Variants in ANK1 observed in about 807,000 individuals in gnomAD.
The protein encoded by ANK1 is ankyrin 1.
A neutral mutation model predicts 210.4 loss-of-function variants in ANK1; 51 were observed. The observed-to-expected ratio is 0.24, with a 90% CI of 0.19 to 0.31. The LOEUF (loss-of-function observed/expected upper bound fraction) is 0.31, where lower values mean the gene tolerates loss of function less well. Ranked by LOEUF, ANK1 falls within the 10% of genes least tolerant of loss-of-function variation. The pLI is 1.00. For missense variants in ANK1, 2,051 were observed against 2,504.4 expected (o/e 0.82, Z 3.86); for synonymous variants, 967 against 1,025.9 (o/e 0.94, Z 1.10).
At chr8:41,849,454 G>T (rs1810754464) in intron 1 of ANK1, among the ~76,000 whole-genome samples, 2 of 152,064 alleles carry the variant, frequency 1.3e-5, no homozygotes, top group African/African-American at 2.4e-5. Context: ...AACCCGGGAG[G>T]CAGAGACTGC....
chr8:41,745,795 C>T lies in ANK1; in HGVS notation c.130-11726G>A, dbSNP rs559946257. ...GGAGATCACAGCTCACCACAAACCTCGAACTCCTGGGCTCAGGCGATCCTC... is the reference window on the plus strand; with the variant it reads ...GGAGATCACAGCTCACCACAAACCTTGAACTCCTGGGCTCAGGCGATCCTC... On this transcript the variant is annotated intron_variant, in intron 2 of 42. Coordinates refer to ENST00000289734, the MANE Select transcript of ANK1 (RefSeq NM_000037.4). 1.1e-4 allele frequency among the ~76,000 whole-genome samples: 16 copies of T among 152,274 alleles called. No individual in the cohort carries two copies. The South Asian group carries it at 1.7e-3, about 16-fold the overall frequency.
In ANK1 at chr8:41,719,712, C is replaced by G. The variant is rs375151253; in HGVS notation, c.1056G>C (p.Arg352Ser). Reference sequence around the variant, plus strand: ...CTTTATCCAGAAGGACCTTAGCCACCCTGTGGTGTCCACAGTGGGCAGCCA... The same window carrying G: ...CTTTATCCAGAAGGACCTTAGCCACGCTGTGGTGTCCACAGTGGGCAGCCA... ...LHVAAHCGHH[R>S]VAKVLLDKGA... Residue 352 changes from arginine to serine, a missense_variant, in exon 10 of 43, where the codon AGG becomes AGC. Arg to Ser is a moderately radical substitution (Grantham distance 110). Transcript: ENST00000289734. 41 of 1,614,100 alleles carry G rather than the reference C, an allele frequency of 2.5e-5. No homozygotes were observed. Among genetic ancestry groups the G allele is most frequent in the Non-Finnish European group, 3.4e-5 (40 of 1,180,040 alleles).
chr8:41,668,282 G>A lies in ANK1; in HGVS notation c.5379C>T (p.Phe1793=), dbSNP rs1293546534. 6.2e-7 allele frequency: 1 copy of A among 1,614,248 alleles called. No homozygotes were observed. The highest frequency in any genetic ancestry group is 2.2e-5 in the East Asian group (1 of 44,882). ...GGGCTCTCACCTGCACCACTTGGGT[G>A]AAGGTGTTCTTGGCCTCCTGCACCT... ...EEQVQEAKNT[F]TQVVQGNEFQ... is the part of the protein sequence containing the mutation. The change falls in exon 39 of 43, where the codon TTC becomes TTT. Residue 1793 remains phenylalanine, a synonymous_variant. Transcript: ENST00000289734.
intron 42 of ANK1, among the ~76,000 whole-genome samples, chr8:41,659,698 G>GCCCCACCC (rs1807210747): frequency 1.1e-5 from 1 of 93,194 alleles, no homozygotes; most frequent in African/African-American, 4.0e-5. Flanking sequence ...TCGCCCCACC[G>GCCCCACCC]CCCCACCCCC....
chr8:41,752,239 T>C (rs894948433), intron 2 of ANK1, among the ~76,000 whole-genome samples: 1 of 152,176 alleles, frequency 6.6e-6, no homozygotes, highest in Non-Finnish European at 1.5e-5. Flanking sequence ...TTCACCAGCA[T>C]GCACAGGCCA....
intron 1 of ANK1, among the ~76,000 whole-genome samples, chr8:41,869,308 C>A (rs1293834454): frequency 6.6e-6 from 1 of 152,190 alleles, no homozygotes; most frequent in Non-Finnish European, 1.5e-5. Context: ...CTTCACTGGA[C>A]AGAAGAATCA....
chr8:41,797,572 T>G lies in ANK1; in HGVS notation c.-34A>C. ...TTCAGCAGGGGCCCGCCGAAGGGCC[T>G]TGGGGGCTTGAGGAGGAGCAGCTGG... On this transcript the variant is annotated 5_prime_UTR_variant, in exon 1 of 43. Coordinates refer to ENST00000289734, the MANE Select transcript of ANK1 (RefSeq NM_000037.4). The surrounding 1 kb of genome is among the most constrained non-coding windows in gnomAD (Gnocchi z 4.0). 6.2e-7 allele frequency: 1 copy of G among 1,612,478 alleles called. No homozygotes were observed. Among genetic ancestry groups the G allele is most frequent in the Non-Finnish European group, 8.5e-7 (1 of 1,179,634 alleles).
At chr8:41,843,242 T>C (rs1204583236) in intron 1 of ANK1, among the ~76,000 whole-genome samples, 5 of 152,240 alleles carry the variant, frequency 3.3e-5, no homozygotes, top group African/African-American at 4.8e-5. Flanking sequence ...GTTACACGTA[T>C]ATAATGTGTA....
At chr8:41,778,890 G>A (rs530241575) in intron 1 of ANK1, among the ~76,000 whole-genome samples, 5 of 152,220 alleles carry the variant, frequency 3.3e-5, no homozygotes, top group Admixed American at 6.5e-5. Flanking sequence ...CAGGAAGCCC[G>A]CGCTCATAGA....
chr8:41,808,798 G>T (rs1256501170), intron 1 of ANK1, among the ~76,000 whole-genome samples: 10 of 152,046 alleles, frequency 6.6e-5, no homozygotes, highest in Admixed American at 2.0e-4. Flanking sequence ...TTAAGATTTT[G>T]TGCTCTTGAA....
rs767109858 is a variant in ANK1, at chr8:41,672,608, C to T, written c.4842G>A (p.Glu1614=). The part of the protein sequence containing the change: ...GALSEEPRGP[E]LGSLELVEDD... ...CCTCCACAAGTTCCAGAGAGCCCAACTCGGGGCCCCGCGGTTCCTCTGAGA... is the reference window on the plus strand; with the variant it reads ...CCTCCACAAGTTCCAGAGAGCCCAATTCGGGGCCCCGCGGTTCCTCTGAGA... The change falls in exon 38 of 43, where the codon GAG becomes GAA. Residue 1614 remains glutamate (E), a synonymous_variant. Coordinates refer to ENST00000289734, the MANE Select transcript of ANK1 (RefSeq NM_000037.4). 1.9e-6 allele frequency: 3 copies of T among 1,614,138 alleles called. No individual in the cohort carries two copies. Among genetic ancestry groups the T allele is most frequent in the African/African-American group, 1.3e-5 (1 of 74,950 alleles).
chr8:41,877,980 C>T (rs1269294326), intron 1 of ANK1, among the ~76,000 whole-genome samples: 1 of 152,152 alleles, frequency 6.6e-6, no homozygotes. Flanking sequence ...GCTGGGCACA[C>T]AGCCTAGCGC....
At chr8:41,896,329 G>C in intron 1 of ANK1, 1 of 1,582,658 alleles carries the variant, frequency 6.3e-7, no homozygotes, top group Non-Finnish European at 8.6e-7. Flanking sequence ...CGCGGTCGCT[G>C]GGCTTTCACC....
chr8:41,731,504 G>A (rs140317844), intron 3 of ANK1, among the ~76,000 whole-genome samples: 73 of 152,162 alleles, frequency 4.8e-4, no homozygotes, highest in Non-Finnish European at 9.6e-4. Flanking sequence ...GAGAGAATGC[G>A]TTTGTTTTGT....
Position 41,686,158 on chromosome 8 carries a change from C to A in ANK1, c.4384G>T (p.Ala1462Ser). The part of the protein sequence containing the change: ...NLWVIREGQN[A>S]NMENLYTALQ... ...TCAGTGGGACGGTACTGACTGTTTG[C>A]GTTTTGGCCTTCACGGATGACCCAG... is the stretch of plus-strand genomic sequence containing the variant. Residue 1462 changes from alanine to serine, a missense_variant, in exon 36 of 43, where the codon GCA becomes TCA. This residue lies in a region of ANK1 where 39 missense variants were observed against 75.1 expected (regional missense o/e 0.52). Coordinates refer to ENST00000289734, the MANE Select transcript of ANK1 (RefSeq NM_000037.4). 6.2e-7 allele frequency: 1 copy of A among 1,614,206 alleles called. No homozygotes were observed. The highest frequency in any genetic ancestry group is 1.1e-5 in the South Asian group (1 of 91,088).
chr8:41,789,709 C>T (rs764042658), intron 1 of ANK1, among the ~76,000 whole-genome samples: 1 of 152,148 alleles, frequency 6.6e-6, no homozygotes, highest in Admixed American at 6.5e-5. Flanking sequence ...AGGAGACAGA[C>T]GTGAGCTGGG....
intron 1 of ANK1, among the ~76,000 whole-genome samples, chr8:41,821,977 G>A (rs563835515): frequency 5.7e-4 from 86 of 152,002 alleles, no homozygotes; most frequent in Non-Finnish European, 1.0e-3. Flanking sequence ...TTGAACCCAG[G>A]AGGCAGAGGT....
chr8:41,696,813 C>T (rs531020445), intron 24 of ANK1, 40 bp from the exon 25 acceptor site: 89 of 1,560,462 alleles, frequency 5.7e-5, no homozygotes, highest in South Asian at 2.4e-4. Flanking sequence ...CACCTCCTCC[C>T]GGGCCAGCTG....
chr8:41,704,220 C>G lies in ANK1; in HGVS notation c.2197-81G>C. 7.1e-7 allele frequency: 1 copy of G among 1,409,604 alleles called. No homozygotes were observed. The highest frequency in any genetic ancestry group is 1.0e-6 in the Non-Finnish European group (1 of 996,102). 87.3% of individuals were successfully genotyped at this position (1,409,604 alleles called of 1,614,324 possible). A position where few individuals can be genotyped will look rare whatever the true frequency, so the allele number is the denominator to read the frequency against. Reference sequence around the variant, plus strand: ...CCTACACATGATAGTGCCTGCCCATCTTCGAAGTGGGACATTAATGAAATG... The same window carrying G: ...CCTACACATGATAGTGCCTGCCCATGTTCGAAGTGGGACATTAATGAAATG... On this transcript the variant is annotated intron_variant, in intron 19 of 42. Transcript: ENST00000289734. The surrounding 1 kb of genome is among the most constrained non-coding windows in gnomAD (Gnocchi z 4.1).
Sources: allele counts gnomAD v4.1 joint callset (sites outside exome capture counted in the v4.1 genomes callset), GRCh38; gene constraint gnomAD v4.1.1; regional missense constraint gnomAD v4.1.1; non-coding constraint Gnocchi (gnomAD v3.1); transcripts MANE v1.5; gene names NCBI Gene and HGNC (gene_info 2026-07-23, HGNC 2026-07-21).